Variants in MYCBP2 observed in about 807,000 individuals in gnomAD.
MYCBP2 encodes MYC binding protein 2, also known as E3 ubiquitin-protein ligase MYCBP2.
A neutral mutation model predicts 525.3 loss-of-function variants in MYCBP2; 120 were observed. The ratio of observed to expected loss-of-function variants is 0.23; its 90% confidence interval spans 0.20 to 0.27. MYCBP2 has a LOEUF of 0.27. MYCBP2 is among the 10% of genes least tolerant of loss of function. The pLI is 1.00. For missense variants in MYCBP2, 4,149 were observed against 5,657.1 expected (o/e 0.73, Z 8.55); for synonymous variants, 1,894 against 1,955.8 (o/e 0.97, Z 0.83).
At chr13:77,056,894 A>C in intron 79 of MYCBP2, 92 bp downstream of exon 79, 1 of 973,386 alleles carries the variant, frequency 1.0e-6, no homozygotes, top group Non-Finnish European at 1.6e-6. Flanking sequence ...CTGGTGGGTA[A>C]AACCAAGAGA....
chr13:77,156,644 G>T (rs1330398849), intron 45 of MYCBP2, among the ~76,000 whole-genome samples: 1 of 152,182 alleles, frequency 6.6e-6, no homozygotes, highest in Non-Finnish European at 1.5e-5. Flanking sequence ...CTACTTGCCT[G>T]ACAGCAGCCA....
chr13:77,287,913 C>G (rs2077056183), intron 3 of MYCBP2, among the ~76,000 whole-genome samples: 1 of 152,178 alleles, frequency 6.6e-6, no homozygotes, highest in South Asian at 2.1e-4. Context: ...CTATAACAGA[C>G]TCCAACCCAC....
chr13:77,168,607 G>A lies in MYCBP2; in HGVS notation c.5935C>T (p.Pro1979Ser). 6.2e-7 allele frequency: 1 copy of A among 1,614,176 alleles called. No individual in the cohort carries two copies. The highest frequency in any genetic ancestry group is 8.5e-7 in the Non-Finnish European group (1 of 1,180,030). ...TTCTGATTCAAAATGGCAACTGACG[G>A]AAGCAATTGTTGGACAAGGCCAAAG... ...EVFGLVQQLL[P>S]SVAILNQKYA... Residue 1979 changes from proline to serine, a missense_variant, in exon 40 of 83, where the codon CCG (proline) becomes TCG (serine). By Grantham distance (74) the Pro-to-Ser change is moderately conservative. Around this residue, in one of 21 missense-constraint regions of MYCBP2, gnomAD observed 692 missense variants for 852.7 expected, o/e 0.81. Transcript: ENST00000544440.
intron 23 of MYCBP2, among the ~76,000 whole-genome samples, chr13:77,207,742 A>ATC (rs2063513843): frequency 6.6e-6 from 1 of 152,054 alleles, no homozygotes; most frequent in African/African-American, 2.4e-5. Context: ...AGTTCTGTTG[A>ATC]TCTCATTGTT....
chr13:77,145,462 C>T (rs2055375688), intron 48 of MYCBP2, among the ~76,000 whole-genome samples: 1 of 152,078 alleles, frequency 6.6e-6, no homozygotes, highest in South Asian at 2.1e-4. Flanking sequence ...CTACCTATGC[C>T]ATCTATCTAG....
rs1355921931 is a variant in MYCBP2 at position 77,125,345 on chromosome 13, G to A, written c.8008C>T (p.His2670Tyr). 4 of 1,613,464 alleles carry A rather than the reference G, an allele frequency of 2.5e-6. No homozygotes were observed. Among genetic ancestry groups the A allele is most frequent in the East Asian group, 2.2e-5 (1 of 44,882 alleles). Residue 2670 changes from histidine (H) to tyrosine (Y), a missense_variant, in exon 54 of 83, where the codon CAT (histidine) becomes TAT (tyrosine). Physicochemically the swap from His to Tyr is moderately conservative, Grantham distance 83. Around this residue, in one of 21 missense-constraint regions of MYCBP2, gnomAD observed 653 missense variants for 744.7 expected, o/e 0.88. Coordinates refer to ENST00000544440, the MANE Select transcript of MYCBP2 (RefSeq NM_015057.5). ...RDRGGNQYLRHEDEQALLDQN... is the reference protein window; with the variant it reads ...RDRGGNQYLRYEDEQALLDQN... ...ATTTAAGCCAACTTGCCATCTTCAT[G>A]TCGGAGGTACTGGTTTCCGCCTCTG...
At chr13:77,146,271 A>C in intron 47 of MYCBP2, 54 bp from the exon 48 acceptor site, 4 of 1,236,230 alleles carry the variant, frequency 3.2e-6, no homozygotes, top group African/African-American at 1.5e-5. Flanking sequence ...AAACATTCTC[A>C]ATTAACAGAG....
intron 8 of MYCBP2, among the ~76,000 whole-genome samples, chr13:77,264,867 G>GCA (rs139975510): frequency 0.062 from 9,273 of 148,760 alleles, 517 homozygotes; most frequent in African/African-American, 0.14. Context: ...CAAGTTAAAA[G>GCA]CACACACACA....
At chr13:77,264,988 C>T (rs989886094) in intron 8 of MYCBP2, among the ~76,000 whole-genome samples, 6 of 152,022 alleles carry the variant, frequency 3.9e-5, no homozygotes, top group Middle Eastern at 3.2e-3. Flanking sequence ...CCTGAATCAA[C>T]AAAACATAAA....
At chr13:77,089,220 A>T (rs2044911310) in intron 60 of MYCBP2, among the ~76,000 whole-genome samples, 189 bp from the exon 61 acceptor site, 1 of 152,152 alleles carries the variant, frequency 6.6e-6, no homozygotes. Context: ...TCTGAAAGTC[A>T]TATAGCTATT....
chr13:77,073,599 A>G (rs978990672), intron 68 of MYCBP2, among the ~76,000 whole-genome samples: 7 of 152,112 alleles, frequency 4.6e-5, no homozygotes, highest in African/African-American at 1.7e-4. Context: ...AAAGGAAAAA[A>G]CCCAAATTTA....
At chr13:77,094,927 T>C (rs77066362) in intron 58 of MYCBP2, among the ~76,000 whole-genome samples, 502 of 152,296 alleles carry the variant, frequency 3.3e-3, no homozygotes, top group Non-Finnish European at 5.8e-3. Flanking sequence ...TTTTGTTATA[T>C]TCATACATTC....
At chr13:77,235,238 TAAAAG>T (rs2067733728) in intron 17 of MYCBP2, among the ~76,000 whole-genome samples, 1 of 151,936 alleles carries the variant, frequency 6.6e-6, no homozygotes, top group Non-Finnish European at 1.5e-5. Flanking sequence ...ATAAATGCTA[TAAAAG>T]AAATCTATAC....
chr13:77,195,905 T>C (rs1325263524), intron 26 of MYCBP2, among the ~76,000 whole-genome samples: 1 of 152,234 alleles, frequency 6.6e-6, no homozygotes, highest in East Asian at 1.9e-4. Context: ...CTTAATAATT[T>C]GTCCCCAATC....
chr13:77,227,343 TAAA>T (rs548646689), intron 18 of MYCBP2, among the ~76,000 whole-genome samples: 1 of 85,318 alleles, frequency 1.2e-5, no homozygotes. Flanking sequence ...ATGGATGGAC[TAAA>T]AAAAAAAAAA....
At chr13:77,285,879 GAAAGGAAAGGAAAGGAAAGC>G (rs1290948814) in intron 3 of MYCBP2, among the ~76,000 whole-genome samples, 26 of 149,554 alleles carry the variant, frequency 1.7e-4, no homozygotes, top group African/African-American at 6.0e-4. Context: ...GAAAGGAAAG[GAAAGGAAAGGAAAGGAAAGC>G]AAAGGAAAGC....
At chr13:77,085,617 T>C (rs1197455897) in intron 62 of MYCBP2, among the ~76,000 whole-genome samples, 2 of 152,212 alleles carry the variant, frequency 1.3e-5, no homozygotes, top group Non-Finnish European at 2.9e-5. Context: ...TTGTGAATTA[T>C]ACTAGCTAAT....
At chr13:77,286,598 A>C (rs1488884781) in intron 3 of MYCBP2, among the ~76,000 whole-genome samples, 30 of 146,412 alleles carry the variant, frequency 2.0e-4, no homozygotes, top group African/African-American at 7.0e-4. Context: ...CTAAAAATAC[A>C]AAAAAAAATT....
intron 17 of MYCBP2, among the ~76,000 whole-genome samples, chr13:77,240,515 G>C (rs977185501): frequency 4.6e-5 from 7 of 152,136 alleles, no homozygotes; most frequent in Non-Finnish European, 8.8e-5. Flanking sequence ...GGCTGATGTA[G>C]GAGAATCGCT....
Sources: gnomAD v4.1 joint callset for allele counts (sites outside exome capture counted in the v4.1 genomes callset) on GRCh38, gnomAD v4.1.1 for gene constraint, gnomAD v4.1.1 regional missense constraint, MANE v1.5 for transcripts, NCBI Gene and HGNC (gene_info 2026-07-23, HGNC 2026-07-21) for gene names.